Variants in SVOP observed in about 807,000 individuals in gnomAD.
The protein encoded by SVOP is synaptic vesicle 2-related protein.
A neutral mutation model predicts 69.1 loss-of-function variants in SVOP; 17 were observed. That is an observed-to-expected ratio of 0.25 (90% CI 0.17 to 0.37). The LOEUF (loss-of-function observed/expected upper bound fraction) is 0.37. SVOP is among the 10% of genes least tolerant of loss of function. The probability of loss-of-function intolerance (pLI) is 1.00; values close to 1 mark genes in which losing one functional copy is unlikely to be tolerated. For synonymous variants in SVOP, 238 were observed against 238.6 expected (o/e 1.00, Z 0.02); for missense variants, 435 against 597.5 (o/e 0.73, Z 2.84).
chr12:109,017,267 G>A (rs1233937703), intron 1 of SVOP, among the ~76,000 whole-genome samples: 5 of 151,724 alleles, frequency 3.3e-5, no homozygotes, highest in African/African-American at 1.2e-4. Context: ...GACACACAAG[G>A]GGTCTAAGTT....
chr12:109,008,603 T>C (rs1344479645), intron 1 of SVOP, among the ~76,000 whole-genome samples: 1 of 152,210 alleles, frequency 6.6e-6, no homozygotes, highest in African/African-American at 2.4e-5. Flanking sequence ...AAATCCTAGT[T>C]AGCATTCATG....
intron 1 of SVOP, among the ~76,000 whole-genome samples, chr12:109,012,012 G>C (rs1206281502): frequency 2.0e-5 from 3 of 152,222 alleles, no homozygotes; most frequent in Non-Finnish European, 4.4e-5. Flanking sequence ...GCTGGGCGCA[G>C]TGGCTCATGC....
chr12:109,015,380 C>T (rs1040898700), intron 1 of SVOP, among the ~76,000 whole-genome samples: 1 of 152,064 alleles, frequency 6.6e-6, no homozygotes. Context: ...AGGGCAGGAG[C>T]GGGAAAACCA....
At chr12:108,954,730 G>A (rs931024827) in intron 6 of SVOP, among the ~76,000 whole-genome samples, 5 of 152,140 alleles carry the variant, frequency 3.3e-5, no homozygotes, top group Admixed American at 2.6e-4. Flanking sequence ...GTACTCTTAA[G>A]TATTTATTCT....
chr12:108,929,011 T>C (rs1455788540), intron 11 of SVOP, among the ~76,000 whole-genome samples: 1 of 152,172 alleles, frequency 6.6e-6, no homozygotes, highest in African/African-American at 2.4e-5. Context: ...TTTCCCCCAG[T>C]TTGTTACCAC....
chr12:108,976,870 C>T (rs2040109428), intron 4 of SVOP, among the ~76,000 whole-genome samples: 1 of 152,208 alleles, frequency 6.6e-6, no homozygotes, highest in Non-Finnish European at 1.5e-5. Context: ...CCACCTCAGC[C>T]TCCCAAAGTG....
intron 1 of SVOP, among the ~76,000 whole-genome samples, chr12:109,012,432 G>A (rs2040346981): frequency 6.6e-6 from 1 of 152,124 alleles, no homozygotes; most frequent in Admixed American, 6.5e-5. Context: ...AAAAAAGGAT[G>A]TGAGATGATG....
rs201660496 is a variant in SVOP at position 108,956,144 on chromosome 12, C to CAA, written c.578+4777_578+4778dup. ...TGAAACCCCGTCTCTACTAAAAATA[C>CAA]AAAAAAAATTAGCTGGGCGTGGTGT... On this transcript the variant is annotated intron_variant, in intron 6 of 15. Coordinates refer to ENST00000610966, the MANE Select transcript of SVOP (RefSeq NM_018711.5). Among the ~76,000 whole-genome samples the CAA allele has an allele frequency of 6.6e-5, 10 of 150,944 alleles. No homozygotes were observed. The South Asian group carries it at 8.5e-4, about 13-fold the overall frequency.
chr12:108,983,369 G>T (rs1201471565), intron 2 of SVOP, among the ~76,000 whole-genome samples: 2 of 151,960 alleles, frequency 1.3e-5, no homozygotes, highest in Non-Finnish European at 2.9e-5. Flanking sequence ...TATCATCATT[G>T]TTATTGCCAT....
chr12:108,934,616 T>C (rs571903857), intron 10 of SVOP, among the ~76,000 whole-genome samples: 8 of 152,260 alleles, frequency 5.3e-5, no homozygotes, highest in African/African-American at 1.7e-4. Context: ...CAGGATAAGA[T>C]AGGAGGTCGG....
chr12:108,962,934 C>T (rs1333069042), intron 5 of SVOP, among the ~76,000 whole-genome samples: 1 of 151,968 alleles, frequency 6.6e-6, no homozygotes, highest in Non-Finnish European at 1.5e-5. Flanking sequence ...CACTGCACTC[C>T]AGCCTGAGGG....
intron 5 of SVOP, among the ~76,000 whole-genome samples, chr12:108,964,863 G>C (rs1021465494): frequency 4.0e-5 from 6 of 151,680 alleles, no homozygotes; most frequent in African/African-American, 1.5e-4. Context: ...TTTATATAAG[G>C]CTCCAGGGTA....
intron 1 of SVOP, among the ~76,000 whole-genome samples, chr12:108,986,198 A>C (rs1402475087): frequency 2.0e-5 from 3 of 152,168 alleles, no homozygotes; most frequent in Non-Finnish European, 4.4e-5. Context: ...TCTGCATAGC[A>C]CCACTCTGAA....
chr12:108,948,491 G>GCA (rs1259324834), intron 6 of SVOP, among the ~76,000 whole-genome samples: 1 of 152,166 alleles, frequency 6.6e-6, no homozygotes, highest in Non-Finnish European at 1.5e-5. Flanking sequence ...GACCAGGATT[G>GCA]CACAGCTAGT....
intron 1 of SVOP, among the ~76,000 whole-genome samples, chr12:109,015,775 A>G (rs2040364670): frequency 6.6e-6 from 1 of 152,220 alleles, no homozygotes; most frequent in Non-Finnish European, 1.5e-5. Context: ...CCTGGGCAAC[A>G]GAGCGAGACT....
intron 6 of SVOP, among the ~76,000 whole-genome samples, chr12:108,945,431 T>C (rs546033731): frequency 1.2e-4 from 18 of 152,228 alleles, no homozygotes; most frequent in African/African-American, 4.1e-4. Context: ...TGAGTCTCAG[T>C]CTGTCACCCA....
intron 6 of SVOP, among the ~76,000 whole-genome samples, chr12:108,955,518 C>T (rs1464519489): frequency 4.6e-5 from 7 of 152,302 alleles, no homozygotes; most frequent in African/African-American, 1.4e-4. Context: ...CTCTACAGAG[C>T]CCTGGAGGAA....
intron 11 of SVOP, among the ~76,000 whole-genome samples, chr12:108,932,265 C>T (rs1349278464): frequency 6.6e-6 from 1 of 152,230 alleles, no homozygotes; most frequent in East Asian, 1.9e-4. Flanking sequence ...GATCCTCCTG[C>T]CTCTTCCTCC....
At position 109,017,796 on chromosome 12, in the gene SVOP, G is replaced by A. The variant is rs182990405; in HGVS notation, c.35+3038C>T. Among the ~76,000 whole-genome samples, 269 of 151,882 alleles carry A rather than the reference G, an allele frequency of 1.8e-3. 1 individual carries two copies. Among genetic ancestry groups the A allele is most frequent in the Non-Finnish European group, 3.0e-3 (205 of 67,960 alleles). Reference sequence around the variant, plus strand: ...TGACCTCAAATGATCCACCCACCTCGGTCTCCCAAAGTGCTGGGATTATAG... The same window carrying A: ...TGACCTCAAATGATCCACCCACCTCAGTCTCCCAAAGTGCTGGGATTATAG... On this transcript the variant is annotated intron_variant, in intron 1 of 15. Coordinates refer to ENST00000610966, the MANE Select transcript of SVOP (RefSeq NM_018711.5).
Sources: gnomAD v4.1 joint callset for allele counts (sites outside exome capture counted in the v4.1 genomes callset) on GRCh38, gnomAD v4.1.1 for gene constraint, MANE v1.5 for transcripts, NCBI Gene and HGNC (gene_info 2026-07-23, HGNC 2026-07-21) for gene names.